LCOR: variants seen among roughly 807,000 people sequenced by gnomAD.
The protein encoded by LCOR is ligand dependent nuclear receptor corepressor.
In LCOR, 14 loss-of-function variants were observed where a neutral mutation model predicts 64.4. The ratio of observed to expected loss-of-function variants is 0.22; its 90% CI spans 0.14 to 0.34. The LOEUF (loss-of-function observed/expected upper bound fraction) is 0.34. Among genes scored for constraint, LCOR ranks in the 10% least tolerant of loss-of-function variants. The pLI, the probability that LCOR is intolerant of heterozygous loss-of-function variation, is 1.00. For missense variants in LCOR, 1,686 were observed against 1,765.3 expected (o/e 0.96, Z 0.80); for synonymous variants, 643 against 642.5 (o/e 1.00, Z -0.01).
At position 96,983,251 on chromosome 10, in the gene LCOR, A is replaced by G; in HGVS notation, c.2791A>G (p.Arg931Gly). Reference sequence around the variant, plus strand: ...GTTACGAGGAGAGATTTTCCCCAGCAGGGACCCCATAACCACAGCTGGACA... The same window carrying G: ...GTTACGAGGAGAGATTTTCCCCAGCGGGGACCCCATAACCACAGCTGGACA... ...KELRGEIFPS[R>G]DPITTAGQPL... Residue 931 changes from arginine (R) to glycine (G), a missense_variant, in exon 8 of 8, where the codon AGG (arginine) becomes GGG (glycine). Physicochemically the swap from Arg to Gly is moderately radical, Grantham distance 125 (BLOSUM62 -2). Coordinates refer to ENST00000421806, the MANE Select transcript of LCOR (RefSeq NM_001346516.2). This position sits in a 1 kb window ranked among gnomAD's most constrained non-coding sequence, Gnocchi z 4.5. 2 of 1,614,224 alleles carry G rather than the reference A, an allele frequency of 1.2e-6. No individual in the cohort carries two copies. The highest frequency in any genetic ancestry group is 1.1e-5 in the South Asian group (1 of 91,086).
intron 7 of LCOR, chr10:96,961,144 A>C (rs1847872929): frequency 1.3e-5 from 2 of 152,124 alleles, no homozygotes; most frequent in Non-Finnish European, 2.9e-5. Flanking sequence ...TAATGTGGTG[A>C]AGTTAGGCCA....
chr10:96,924,442 A>G (rs954988380), intron 4 of LCOR, among the ~76,000 whole-genome samples: 2 of 151,520 alleles, frequency 1.3e-5, no homozygotes, highest in African/African-American at 4.9e-5. Flanking sequence ...GGGTTTTGCC[A>G]TGTTGCCCAG....
At chr10:96,920,494 ATG>A (rs1491537676) in intron 4 of LCOR, among the ~76,000 whole-genome samples, 2 of 92,906 alleles carry the variant, frequency 2.2e-5, no homozygotes, top group South Asian at 3.7e-4. Context: ...ATTCATATAT[ATG>A]TGTATATATG....
chr10:96,893,424 C>T (rs544187498), intron 2 of LCOR, among the ~76,000 whole-genome samples: 89 of 152,240 alleles, frequency 5.8e-4, no homozygotes, highest in African/African-American at 2.1e-3. Flanking sequence ...TGTCTAATCA[C>T]GTTATAAATT....
chr10:96,917,069 TG>T (rs1846964631), intron 4 of LCOR, among the ~76,000 whole-genome samples: 1 of 152,258 alleles, frequency 6.6e-6, no homozygotes, highest in Non-Finnish European at 1.5e-5. Flanking sequence ...GGATTAAAAC[TG>T]CTTGATATGA....
intron 2 of LCOR, among the ~76,000 whole-genome samples, chr10:96,890,127 G>A (rs1846414950): frequency 6.6e-6 from 1 of 152,014 alleles, no homozygotes; most frequent in Non-Finnish European, 1.5e-5. Context: ...GTTTGAGATG[G>A]AGTCTCGCTG....
chr10:96,965,581 G>T (rs1847940735), intron 7 of LCOR, among the ~76,000 whole-genome samples: 1 of 144,034 alleles, frequency 6.9e-6, no homozygotes, highest in African/African-American at 2.6e-5. Context: ...AGAATGGCGT[G>T]AACCCAGGAG....
intron 2 of LCOR, among the ~76,000 whole-genome samples, chr10:96,878,744 C>T (rs181294299): frequency 6.6e-6 from 1 of 152,230 alleles, no homozygotes; most frequent in Non-Finnish European, 1.5e-5. Flanking sequence ...CTCATTTCGT[C>T]AACTTGATGT....
chr10:96,859,005 C>G (rs1845846591), intron 2 of LCOR, among the ~76,000 whole-genome samples: 1 of 152,118 alleles, frequency 6.6e-6, no homozygotes, highest in South Asian at 2.1e-4. Flanking sequence ...GTGCTTTTAT[C>G]AGGACACTTT....
At chr10:96,862,905 A>C (rs1845911205) in intron 2 of LCOR, among the ~76,000 whole-genome samples, 1 of 146,916 alleles carries the variant, frequency 6.8e-6, no homozygotes, top group South Asian at 2.1e-4. Context: ...TTTGAAACAG[A>C]GTTTTGCCCT....
chr10:96,879,037 T>G (rs1589626430), intron 2 of LCOR, among the ~76,000 whole-genome samples: 1 of 152,046 alleles, frequency 6.6e-6, no homozygotes, highest in African/African-American at 2.4e-5. Flanking sequence ...CTCAAGTGAT[T>G]CGCCTGCCTT....
chr10:96,849,456 C>G (rs184483911), intron 2 of LCOR, among the ~76,000 whole-genome samples: 1 of 152,102 alleles, frequency 6.6e-6, no homozygotes, highest in Non-Finnish European at 1.5e-5. Context: ...GTGATTGGCC[C>G]GCCTCGGCCT....
At chr10:96,936,046 C>T (rs1847345449) in intron 4 of LCOR, among the ~76,000 whole-genome samples, 1 of 152,234 alleles carries the variant, frequency 6.6e-6, no homozygotes, top group Non-Finnish European at 1.5e-5. Context: ...TCCCGAGCCA[C>T]AGTAGGCTCT....
At position 96,984,590 on chromosome 10, in the gene LCOR, G is replaced by A; in HGVS notation, c.4130G>A (p.Gly1377Glu). Residue 1377 changes from glycine (G) to glutamate (E), a missense_variant, in exon 8 of 8, where the codon GGA becomes GAA. Physicochemically the swap from Gly to Glu is moderately conservative, Grantham distance 98. This residue lies in a region of LCOR where 1,293 missense variants were observed against 1,410.4 expected (regional missense o/e 0.92). Coordinates refer to ENST00000421806, the MANE Select transcript of LCOR (RefSeq NM_001346516.2). ...CCTGTTAAGCCCAAGAGTACTGAAG[G>A]AATGAAGGGAAGGAAGGGGAAGCAG... ...GFPVKPKSTE[G>E]MKGRKGKQVS... 2.5e-6 allele frequency: 4 copies of A among 1,614,210 alleles called. No homozygotes were observed. Among genetic ancestry groups the A allele is most frequent in the Non-Finnish European group, 3.4e-6 (4 of 1,180,042 alleles).
rs976205751 is a variant in LCOR at position 96,949,184 on chromosome 10, C to G, written c.127C>G (p.Pro43Ala). The G allele has an allele frequency of 6.2e-7, 1 of 1,614,146 alleles. No homozygotes were observed. The highest frequency in any genetic ancestry group is 1.1e-5 in the South Asian group (1 of 91,082). The change falls in exon 6 of 8, where the codon CCC becomes GCC. Residue 43 changes from proline to alanine, a missense_variant. Physicochemically the swap from Pro to Ala is conservative, Grantham distance 27 (BLOSUM62 -1). Transcript: ENST00000421806. ...LPKASPVTTS[P>A]TAATTQNPVL... Reference sequence around the variant, plus strand: ...GAAAGCATCTCCAGTCACCACCTCTCCCACGGCTGCAACTACTCAGAACCC... The same window carrying G: ...GAAAGCATCTCCAGTCACCACCTCTGCCACGGCTGCAACTACTCAGAACCC...
At chr10:96,858,711 A>G (rs1182824588) in intron 2 of LCOR, among the ~76,000 whole-genome samples, 1 of 152,146 alleles carries the variant, frequency 6.6e-6, no homozygotes, top group Non-Finnish European at 1.5e-5. Flanking sequence ...TTGGATACTT[A>G]GGGTTTTTTG....
intron 2 of LCOR, among the ~76,000 whole-genome samples, chr10:96,895,847 C>T (rs7073147): frequency 0.051 from 7,779 of 152,236 alleles, 672 homozygotes; most frequent in African/African-American, 0.18. Flanking sequence ...TTTTGGGAGG[C>T]CAAGGCAGAA....
rs770481533 is a variant in LCOR at position 96,957,327 on chromosome 10, A to G, written c.332+5131A>G. 419 of 984,878 alleles carry G rather than the reference A, an allele frequency of 4.3e-4. 1 individual carries two copies. Among genetic ancestry groups the G allele is most frequent in the Non-Finnish European group, 5.0e-4 (414 of 829,686 alleles). The allele number at this position is 984,878 out of a possible 1,614,324, so 61.0% of individuals were successfully genotyped here. ...CCTTTGAGATCATGTTTGTATAAGC[A>G]CTCCTTGAAGAATATCTAAGCTTTT... On this transcript the variant is annotated intron_variant, in intron 7 of 7. Coordinates refer to ENST00000421806, the MANE Select transcript of LCOR (RefSeq NM_001346516.2).
At chr10:96,938,455 G>C (rs928790080) in intron 4 of LCOR, among the ~76,000 whole-genome samples, 7 of 151,878 alleles carry the variant, frequency 4.6e-5, no homozygotes, top group African/African-American at 1.7e-4. Context: ...AGATGGAACA[G>C]CTTCCCCCGA....
Sources: allele counts gnomAD v4.1 joint callset (sites outside exome capture counted in the v4.1 genomes callset), GRCh38; gene constraint gnomAD v4.1.1; regional missense constraint gnomAD v4.1.1; non-coding constraint Gnocchi (gnomAD v3.1); transcripts MANE v1.5; gene names NCBI Gene and HGNC (gene_info 2026-07-23, HGNC 2026-07-21).